Variants in GCNT2 observed in about 807,000 individuals in gnomAD.
GCNT2 encodes glucosaminyl (N-acetyl) transferase 2 (I blood group), also known as N-acetyllactosaminide beta-1,6-N-acetylglucosaminyl-transferase.
In GCNT2, 34 loss-of-function variants were observed where a neutral mutation model predicts 34.2. The ratio of observed to expected loss-of-function variants is 1.00; its 90% CI spans 0.76 to 1.32. The LOEUF (loss-of-function observed/expected upper bound fraction) is 1.32, where lower values mean the gene tolerates loss of function less well. Among genes scored for constraint, GCNT2 ranks in the 40% most tolerant of loss-of-function variants. The pLI, the probability that GCNT2 is intolerant of heterozygous loss-of-function variation, is 0.00. For synonymous variants in GCNT2, 212 were observed against 188.0 expected, an observed-to-expected ratio of 1.13 and a Z score of -1.04; for missense variants, 584 against 489.4, an observed-to-expected ratio of 1.19 and a Z score of -1.82.
chr6:10,544,595 C>T (rs1266792112), intron 3 of GCNT2, among the ~76,000 whole-genome samples: 3 of 150,728 alleles, frequency 2.0e-5, no homozygotes, highest in Admixed American at 6.6e-5. Context: ...CAGAGCAAGA[C>T]TCCATCTCAA....
intron 3 of GCNT2, among the ~76,000 whole-genome samples, chr6:10,568,387 G>A (rs1392851264): frequency 1.3e-5 from 2 of 152,024 alleles, no homozygotes; most frequent in Admixed American, 1.3e-4. Flanking sequence ...CATACGTTTT[G>A]TCTGTGAGAG....
intron 3 of GCNT2, chr6:10,586,843 A>G (rs1164276249): frequency 6.2e-7 from 1 of 1,613,338 alleles, no homozygotes; most frequent in Non-Finnish European, 8.5e-7. Flanking sequence ...AGGGCCATTG[A>G]TCTACTACAA....
At chr6:10,573,499 G>T (rs976724937) in intron 3 of GCNT2, among the ~76,000 whole-genome samples, 7 of 152,142 alleles carry the variant, frequency 4.6e-5, no homozygotes, top group Non-Finnish European at 2.9e-5. Flanking sequence ...TTGGGGTGGG[G>T]GCAGGTAGTG....
chr6:10,537,061 G>A (rs1761797166), intron 3 of GCNT2, among the ~76,000 whole-genome samples: 1 of 152,180 alleles, frequency 6.6e-6, no homozygotes. Flanking sequence ...ACCACTCTCG[G>A]CCACCTGTGA....
At chr6:10,525,751 A>G (rs1761152148) in intron 1 of GCNT2, among the ~76,000 whole-genome samples, 1 of 152,244 alleles carries the variant, frequency 6.6e-6, no homozygotes, top group Admixed American at 6.5e-5. Flanking sequence ...AGGTACAAGT[A>G]AAGACGTATG....
intron 3 of GCNT2, among the ~76,000 whole-genome samples, chr6:10,530,554 C>T (rs1051410479): frequency 5.9e-5 from 9 of 151,884 alleles, no homozygotes; most frequent in African/African-American, 2.2e-4. Context: ...TATTTGCAAG[C>T]TCTTTTCTGG....
chr6:10,607,081 G>T (rs1451267191), intron 3 of GCNT2, among the ~76,000 whole-genome samples: 1 of 152,000 alleles, frequency 6.6e-6, no homozygotes, highest in African/African-American at 2.4e-5. Flanking sequence ...CAAATAGCTG[G>T]GATTACAGGG....
chr6:10,568,307 G>A (rs1229155404), intron 3 of GCNT2, among the ~76,000 whole-genome samples: 1 of 152,066 alleles, frequency 6.6e-6, no homozygotes, highest in Non-Finnish European at 1.5e-5. Flanking sequence ...CACAGTCTCT[G>A]TGGTATGGCC....
intron 3 of GCNT2, among the ~76,000 whole-genome samples, chr6:10,598,816 T>C (rs1346219233): frequency 6.6e-6 from 1 of 152,130 alleles, no homozygotes; most frequent in Non-Finnish European, 1.5e-5. Flanking sequence ...AGATTCCTAG[T>C]GTGTGTGACG....
At chr6:10,620,940 A>C (rs9466988) in intron 3 of GCNT2, among the ~76,000 whole-genome samples, 14,393 of 152,140 alleles carry the variant, frequency 0.095, 1,090 homozygotes, top group African/African-American at 0.21. Flanking sequence ...ATGCTGCTAA[A>C]CATCTTACAA....
chr6:10,529,859 A>AT, intron 3 of GCNT2, 23 bp downstream of exon 3: 1 of 1,566,582 alleles, frequency 6.4e-7, no homozygotes, highest in Non-Finnish European at 8.8e-7. Flanking sequence ...CTTAACTTTT[A>AT]TTTTTACGAA....
intron 1 of GCNT2, among the ~76,000 whole-genome samples, chr6:10,523,393 T>C (rs1761018805): frequency 1.4e-5 from 2 of 144,466 alleles, no homozygotes; most frequent in South Asian, 2.2e-4. Context: ...GTCATTACAC[T>C]GCAGACGGGG....
At chr6:10,572,548 T>C (rs1226001) in intron 3 of GCNT2, among the ~76,000 whole-genome samples, 3,972 of 152,100 alleles carry the variant, frequency 0.026, 157 homozygotes, top group African/African-American at 0.089. Flanking sequence ...CTGGCCAACA[T>C]GGTGAAATCC....
At chr6:10,523,130 C>A (rs1760999935) in intron 1 of GCNT2, among the ~76,000 whole-genome samples, 1 of 152,152 alleles carries the variant, frequency 6.6e-6, no homozygotes. Context: ...TTGAAAAGAC[C>A]AGCTTTCAGC....
intron 3 of GCNT2, among the ~76,000 whole-genome samples, chr6:10,550,553 C>T (rs978042220): frequency 6.6e-6 from 1 of 152,084 alleles, no homozygotes; most frequent in Non-Finnish European, 1.5e-5. Context: ...TGCAGTGGCA[C>T]CATCATGGCT....
intron 3 of GCNT2, among the ~76,000 whole-genome samples, chr6:10,546,031 C>CTTA (rs1762249346): frequency 6.6e-6 from 1 of 152,126 alleles, no homozygotes; most frequent in Non-Finnish European, 1.5e-5. Context: ...TTTTTAGCTT[C>CTTA]TTAAACTGAT....
rs569051231 is a variant in GCNT2, at chr6:10,550,568, G to A, written c.925+20732G>A. On this transcript the variant is annotated intron_variant, in intron 3 of 4. Transcript: ENST00000495262. ...TGCAGTGGCACCATCATGGCTTACC[G>A]CAGCCTTAACCTGCCAAATTAAAGT... is the stretch of plus-strand genomic sequence containing the variant. 1.3e-4 allele frequency among the ~76,000 whole-genome samples: 20 copies of A among 152,154 alleles called. No individual in the cohort carries two copies. The East Asian group carries it at 3.1e-3, about 24-fold the overall frequency.
intron 3 of GCNT2, among the ~76,000 whole-genome samples, chr6:10,615,118 A>AACC (rs1226662071): frequency 6.6e-6 from 1 of 152,168 alleles, no homozygotes; most frequent in African/African-American, 2.4e-5. Flanking sequence ...CTAACCTACA[A>AACC]ACCTGATGAA....
rs1317738544 is a variant in GCNT2, at chr6:10,528,904, G to C, written c.-8G>C. ...GAGAGAGATATTTTACTCATTTCCT[G>C]GTTGTGAATGATGGGCTCTTGGAAG... On this transcript the variant is annotated 5_prime_UTR_variant, in exon 3 of 5. Transcript: ENST00000495262. 2 of 1,599,626 alleles carry C rather than the reference G, an allele frequency of 1.3e-6. No individual in the cohort carries two copies. The highest frequency in any genetic ancestry group is 1.7e-5 in the Admixed American group (1 of 60,006).
Sources: allele counts gnomAD v4.1 joint callset (sites outside exome capture counted in the v4.1 genomes callset), GRCh38; gene constraint gnomAD v4.1.1; transcripts MANE v1.5; gene names NCBI Gene and HGNC (gene_info 2026-07-23, HGNC 2026-07-21).